Variants in ZMYM4 observed in about 807,000 individuals in gnomAD.
ZMYM4 encodes zinc finger MYM-type containing 4, also known as zinc finger MYM-type protein 4.
Under a neutral mutation model 183.2 loss-of-function variants are expected in ZMYM4, and 31 were observed. That is an observed-to-expected ratio of 0.17 (90% CI 0.13 to 0.23). The LOEUF is 0.23. ZMYM4 is among the 10% of genes least tolerant of loss of function. ZMYM4 has a pLI of 1.00. For synonymous variants in ZMYM4, 592 were observed against 631.2 expected, an observed-to-expected ratio of 0.94 and a Z score of 0.93; for missense variants, 1,273 against 1,840.3, an observed-to-expected ratio of 0.69 and a Z score of 5.64.
chr1:35,370,727 CTTT>C (rs3066096), intron 7 of ZMYM4, 100 bp downstream of exon 7: 1,745 of 282,220 alleles, frequency 6.2e-3, no homozygotes, highest in East Asian at 0.02. Context: ...ACATTTATTC[CTTT>C]TTTTTTTTTT....
At chr1:35,308,374 A>G (rs552175838) in intron 1 of ZMYM4, among the ~76,000 whole-genome samples, 11 of 152,222 alleles carry the variant, frequency 7.2e-5, no homozygotes, top group Non-Finnish European at 1.5e-4. Context: ...ATGAAATGCA[A>G]TGGTATATAC....
At chr1:35,346,523 C>G (rs551979673) in intron 2 of ZMYM4, among the ~76,000 whole-genome samples, 1 of 151,764 alleles carries the variant, frequency 6.6e-6, no homozygotes, top group African/African-American at 2.4e-5. Context: ...TGATGGCGTA[C>G]GCCTGTAATC....
rs796482567 is a variant in ZMYM4 at position 35,389,783 on chromosome 1, G to A, written c.2437-165G>A. On this transcript the variant is annotated intron_variant, in intron 14 of 29. Transcript: ENST00000314607. The surrounding 1 kb of genome is among the most constrained non-coding windows in gnomAD (Gnocchi z 4.0). ...AAAAAAAAAAAATATATATATATAT[G>A]TGTGTGTGTGTGTGTGTGTGTGTGT... 1.7e-4 allele frequency among the ~76,000 whole-genome samples: 23 copies of A among 136,294 alleles called. No homozygotes were observed. Among genetic ancestry groups the A allele is most frequent in the East Asian group, 9.5e-4 (3 of 3,174 alleles). 89.4% of individuals were successfully genotyped at this position (136,294 alleles called of 152,430 possible).
chr1:35,302,688 T>A (rs1641346616), intron 1 of ZMYM4, among the ~76,000 whole-genome samples: 1 of 151,698 alleles, frequency 6.6e-6, no homozygotes, highest in Non-Finnish European at 1.5e-5. Context: ...CCCAGCCTAA[T>A]TTGACTATTT....
At chr1:35,336,844 T>G (rs1256138159) in intron 2 of ZMYM4, among the ~76,000 whole-genome samples, 1 of 152,216 alleles carries the variant, frequency 6.6e-6, no homozygotes, top group Non-Finnish European at 1.5e-5. Flanking sequence ...TCCTCATGTC[T>G]CTACAAAAGG....
intron 18 of ZMYM4, among the ~76,000 whole-genome samples, chr1:35,395,553 C>T (rs1489981143): frequency 2.0e-5 from 3 of 152,198 alleles, no homozygotes; most frequent in African/African-American, 7.2e-5. Flanking sequence ...ACTTATCTAG[C>T]ATATTCTCTG....
At chr1:35,269,556 C>A (rs1452904421) in intron 1 of ZMYM4, among the ~76,000 whole-genome samples, 1 of 152,062 alleles carries the variant, frequency 6.6e-6, no homozygotes, top group Non-Finnish European at 1.5e-5. Flanking sequence ...CTTTCCCCTC[C>A]CCCCATAGCC....
At chr1:35,360,354 A>G (rs536684380) in intron 3 of ZMYM4, among the ~76,000 whole-genome samples, 2 of 152,196 alleles carry the variant, frequency 1.3e-5, no homozygotes, top group East Asian at 3.9e-4. Flanking sequence ...GTGTAGTAAA[A>G]TAGTAATTCT....
intron 1 of ZMYM4, among the ~76,000 whole-genome samples, chr1:35,322,141 A>G (rs1212979345): frequency 2.0e-5 from 3 of 152,170 alleles, no homozygotes; most frequent in African/African-American, 7.2e-5. Context: ...AGTCTGAGAG[A>G]AAATGGTATC....
At chr1:35,385,127 G>A (rs185054711) in intron 9 of ZMYM4, among the ~76,000 whole-genome samples, 1 of 152,236 alleles carries the variant, frequency 6.6e-6, no homozygotes, top group Non-Finnish European at 1.5e-5. Context: ...TTATAGGGGT[G>A]AGCCACTACG....
intron 26 of ZMYM4, among the ~76,000 whole-genome samples, chr1:35,408,614 C>T (rs1441747646): frequency 6.6e-6 from 1 of 151,978 alleles, no homozygotes; most frequent in Non-Finnish European, 1.5e-5. Context: ...GTGTATGCCT[C>T]CACTCCCAGC....
chr1:35,350,928 G>A, intron 2 of ZMYM4: 1 of 654,048 alleles, frequency 1.5e-6, no homozygotes, highest in Non-Finnish European at 2.7e-6. Context: ...CCTTATAGAG[G>A]GGGATATGAT....
chr1:35,302,489 C>T (rs186877373), intron 1 of ZMYM4, among the ~76,000 whole-genome samples: 37 of 150,298 alleles, frequency 2.5e-4, no homozygotes, highest in African/African-American at 9.1e-4. Context: ...GGTTTCATGC[C>T]ATTCTCCTGC....
intron 1 of ZMYM4, among the ~76,000 whole-genome samples, chr1:35,305,894 T>C (rs1264464487): frequency 6.6e-6 from 1 of 152,192 alleles, no homozygotes; most frequent in Non-Finnish European, 1.5e-5. Flanking sequence ...AATGTGGTTA[T>C]ATATAATATC....
At position 35,387,017 on chromosome 1, in the gene ZMYM4, A is replaced by G. The variant is rs1322686701; in HGVS notation, c.1851A>G (p.Lys617=). The G allele has an allele frequency of 6.2e-7, 1 of 1,613,070 alleles. No homozygotes were observed. The highest frequency in any genetic ancestry group is 8.5e-7 in the Non-Finnish European group (1 of 1,179,252). ...TGTTTTTCCAGAATTTATTCAACAAACCAACTGGAATGAATTCTTCAGTAG... is the reference window on the plus strand; with the variant it reads ...TGTTTTTCCAGAATTTATTCAACAAGCCAACTGGAATGAATTCTTCAGTAG... The part of the protein sequence containing the change: ...CVVAFQNLFN[K]PTGMNSSVVP... Residue 617 remains lysine (K), a synonymous_variant, in exon 12 of 30, where the codon AAA becomes AAG. Transcript: ENST00000314607.
intron 5 of ZMYM4, among the ~76,000 whole-genome samples, chr1:35,363,639 A>G (rs1643998553): frequency 6.6e-6 from 1 of 152,188 alleles, no homozygotes; most frequent in Admixed American, 6.5e-5. Context: ...TAGGAGTTGG[A>G]TGGATATGAG....
At position 35,296,850 on chromosome 1, in the gene ZMYM4, T is replaced by C. The variant is rs1000923277; in HGVS notation, c.39+27765T>C. On this transcript the variant is annotated intron_variant, in intron 1 of 29. Transcript: ENST00000314607. ...CTTTTTCTTTCTTTCTTTCTTTTTTTTTTTTTTTTTTTTTTGAGATGGGAG... is the reference window on the plus strand; with the variant it reads ...CTTTTTCTTTCTTTCTTTCTTTTTTCTTTTTTTTTTTTTTTGAGATGGGAG... Among the ~76,000 whole-genome samples the C allele has an allele frequency of 3.2e-3, 456 of 142,078 alleles. 2 individuals carry two copies. The highest frequency in any genetic ancestry group is 4.2e-3 in the Non-Finnish European group (279 of 65,876). The allele number at this position is 142,078 out of a possible 152,430, so 93.2% of individuals were successfully genotyped here.
In ZMYM4 at chr1:35,359,322, C is replaced by G; in HGVS notation, c.483C>G (p.Asn161Lys). Residue 161 changes from asparagine to lysine, a missense_variant, in exon 3 of 30, where the codon AAC becomes AAG. Around this residue, in one of 6 missense-constraint regions of ZMYM4, gnomAD observed 384 missense variants for 465.6 expected, o/e 0.82. Coordinates refer to ENST00000314607, the MANE Select transcript of ZMYM4 (RefSeq NM_005095.3). ...IRKDFSLVRENSKETFSGKEK... is the reference protein window; with the variant it reads ...IRKDFSLVREKSKETFSGKEK... Reference sequence around the variant, plus strand: ...AAGATTTTAGTCTAGTAAGAGAAAACAGCAAAGAGACATTTTCTGGAAAGG... The same window carrying G: ...AAGATTTTAGTCTAGTAAGAGAAAAGAGCAAAGAGACATTTTCTGGAAAGG... The G allele has an allele frequency of 1.9e-6, 3 of 1,611,062 alleles. No homozygotes were observed. The highest frequency in any genetic ancestry group is 2.5e-6 in the Non-Finnish European group (3 of 1,179,118).
chr1:35,377,367 A>T (rs1644357797), intron 7 of ZMYM4, among the ~76,000 whole-genome samples: 1 of 152,248 alleles, frequency 6.6e-6, no homozygotes, highest in Non-Finnish European at 1.5e-5. Context: ...TAGAGCTGCT[A>T]AGTATGGAAG....
Sources: gnomAD v4.1 joint callset for allele counts (sites outside exome capture counted in the v4.1 genomes callset) on GRCh38, gnomAD v4.1.1 for gene constraint, gnomAD v4.1.1 regional missense constraint, Gnocchi (gnomAD v3.1) non-coding constraint, MANE v1.5 for transcripts, NCBI Gene and HGNC (gene_info 2026-07-23, HGNC 2026-07-21) for gene names.